PPP2R2B: variants seen among roughly 807,000 people sequenced by gnomAD.
PPP2R2B encodes protein phosphatase 2 regulatory subunit Bbeta.
In PPP2R2B, 5 loss-of-function variants were observed where a neutral mutation model predicts 46.0. That is an observed-to-expected ratio of 0.11 (90% CI 0.06 to 0.23). The LOEUF (loss-of-function observed/expected upper bound fraction) is 0.23. Among genes scored for constraint, PPP2R2B ranks in the 10% least tolerant of loss-of-function variants. PPP2R2B has a pLI of 1.00. For missense variants in PPP2R2B, 367 were observed against 575.0 expected (o/e 0.64, Z 3.70); for synonymous variants, 215 against 206.7 (o/e 1.04, Z -0.34).
At chr5:146,896,856 C>CA (rs1383524968) in intron 1 of PPP2R2B, among the ~76,000 whole-genome samples, 1 of 151,650 alleles carries the variant, frequency 6.6e-6, no homozygotes, top group Non-Finnish European at 1.5e-5. Context: ...CTCAGACTGT[C>CA]AAAAAAAGAT....
intron 2 of PPP2R2B, among the ~76,000 whole-genome samples, chr5:146,809,036 C>T (rs1757369878): frequency 6.6e-6 from 1 of 151,202 alleles, no homozygotes; most frequent in Non-Finnish European, 1.5e-5. Context: ...TCCTTGGGTC[C>T]TGGAGTTTCC....
At chr5:146,933,340 G>A (rs1425975491) in intron 1 of PPP2R2B, among the ~76,000 whole-genome samples, 1 of 151,888 alleles carries the variant, frequency 6.6e-6, no homozygotes, top group African/African-American at 2.4e-5. Context: ...CTGTATCCAG[G>A]GAACCCAATC....
chr5:146,720,208 T>G (rs1166465850), intron 2 of PPP2R2B, among the ~76,000 whole-genome samples: 1 of 152,196 alleles, frequency 6.6e-6, no homozygotes, highest in Non-Finnish European at 1.5e-5. Flanking sequence ...GTTAGGTCAT[T>G]TGTCAGCACT....
intron 6 of PPP2R2B, among the ~76,000 whole-genome samples, chr5:146,639,130 A>G (rs1168819779): frequency 6.6e-6 from 1 of 152,204 alleles, no homozygotes; most frequent in Non-Finnish European, 1.5e-5. Flanking sequence ...CAACACTAGG[A>G]TTTCATCCCA....
At chr5:146,790,273 G>A (rs563981157) in intron 2 of PPP2R2B, among the ~76,000 whole-genome samples, 1 of 152,326 alleles carries the variant, frequency 6.6e-6, no homozygotes, top group South Asian at 2.1e-4. Context: ...AACTGGGAGA[G>A]GAGAAACACC....
intron 8 of PPP2R2B, among the ~76,000 whole-genome samples, chr5:146,596,614 C>T (rs1461040095): frequency 6.6e-6 from 1 of 152,192 alleles, no homozygotes; most frequent in East Asian, 1.9e-4. Context: ...TCCCACTGCC[C>T]TTTCTTTTGC....
intron 1 of PPP2R2B, among the ~76,000 whole-genome samples, chr5:146,978,317 G>C (rs1306980663): frequency 6.6e-6 from 1 of 151,996 alleles, no homozygotes; most frequent in African/African-American, 2.4e-5. Flanking sequence ...TCATTCTGTA[G>C]GTTGCCTGTT....
intron 2 of PPP2R2B, among the ~76,000 whole-genome samples, chr5:146,808,711 C>A (rs1157698240): frequency 6.6e-6 from 1 of 152,088 alleles, no homozygotes; most frequent in Non-Finnish European, 1.5e-5. Flanking sequence ...GAAAGAAAGT[C>A]CAATCAGGCA....
intron 2 of PPP2R2B, among the ~76,000 whole-genome samples, chr5:146,721,638 C>T (rs575162670): frequency 6.6e-6 from 1 of 152,362 alleles, no homozygotes; most frequent in Admixed American, 6.5e-5. Context: ...GCCAGGCTGC[C>T]GCCCTGTGCG....
chr5:146,727,658 G>A (rs1028789843), intron 2 of PPP2R2B, among the ~76,000 whole-genome samples: 5 of 151,888 alleles, frequency 3.3e-5, no homozygotes, highest in South Asian at 2.1e-4. Flanking sequence ...ACTTGTACCC[G>A]TAAGTCAAAA....
At chr5:146,784,956 G>A (rs1022572762) in intron 2 of PPP2R2B, among the ~76,000 whole-genome samples, 1 of 152,032 alleles carries the variant, frequency 6.6e-6, no homozygotes, top group African/African-American at 2.4e-5. Context: ...ATATGATTGC[G>A]AAGAAAAAAG....
chr5:146,674,076 A>T (rs1403989424), intron 5 of PPP2R2B, among the ~76,000 whole-genome samples: 1 of 152,180 alleles, frequency 6.6e-6, no homozygotes, highest in Non-Finnish European at 1.5e-5. Context: ...TAGCAACTGG[A>T]GTCTCCCAGT....
At chr5:146,702,056 TA>T (rs3062308) in intron 2 of PPP2R2B, among the ~76,000 whole-genome samples, 15,646 of 129,868 alleles carry the variant, frequency 0.12, 860 homozygotes, top group Middle Eastern at 0.27. Context: ...GCAAATGAGT[TA>T]AAAAAAAAAA....
At chr5:146,807,773 C>CTTTT (rs1486434171) in intron 2 of PPP2R2B, among the ~76,000 whole-genome samples, 2 of 44,048 alleles carry the variant, frequency 4.5e-5, no homozygotes, top group African/African-American at 1.2e-4. Context: ...CCTGGGGTGC[C>CTTTT]TTCTTTTTTT....
chr5:146,596,895 CAG>C (rs1372761683), intron 8 of PPP2R2B, among the ~76,000 whole-genome samples: 1 of 152,200 alleles, frequency 6.6e-6, no homozygotes, highest in Non-Finnish European at 1.5e-5. Context: ...TGCTGGAACA[CAG>C]AGTCATCAAA....
At chr5:146,881,230 C>T (rs1298649882), upstream of PPP2R2B, among the ~76,000 whole-genome samples, 7 of 152,152 alleles carry the variant, frequency 4.6e-5, no homozygotes, top group African/African-American at 1.4e-4. Flanking sequence ...GGCATTCAGC[C>T]TCTTAACTGT....
intron 1 of PPP2R2B, among the ~76,000 whole-genome samples, chr5:146,923,880 C>T (rs1763693382): frequency 6.6e-6 from 1 of 152,188 alleles, no homozygotes; most frequent in African/African-American, 2.4e-5. Flanking sequence ...CCGTGGACTA[C>T]TATGCAGCCA....
chr5:146,853,341 T>C (rs559315632), intron 2 of PPP2R2B, among the ~76,000 whole-genome samples: 4 of 152,266 alleles, frequency 2.6e-5, no homozygotes, highest in Non-Finnish European at 1.5e-5. Context: ...TCCATGTAGT[T>C]TAAAAAGTCC....
Position 146,983,423 on chromosome 5 carries a change from G to A in PPP2R2B, c.79+72242C>T, listed in dbSNP as rs947221940. Among the ~76,000 whole-genome samples, 92 of 152,138 alleles carry A rather than the reference G, an allele frequency of 6.0e-4. No individual in the cohort carries two copies. In the East Asian group the frequency reaches 0.015, roughly 25 times the overall value. On this transcript the variant is annotated intron_variant, in intron 1 of 8. Coordinates refer to the PPP2R2B transcript ENST00000336640. The stretch of plus-strand genomic sequence containing the variant: ...TCTTGATCTCCTGACCTCGTGATCT[G>A]CCCGCCTTGGCCTCCCAAAGTGCTG...
Sources: gnomAD v4.1 joint callset for allele counts (sites outside exome capture counted in the v4.1 genomes callset) on GRCh38, gnomAD v4.1.1 for gene constraint, MANE v1.5 for transcripts, NCBI Gene and HGNC (gene_info 2026-07-23, HGNC 2026-07-21) for gene names.